The following ANK3 variants were observed in gnomAD, a reference collection of about 807,000 sequenced individuals.
The protein encoded by ANK3 is ankyrin-3.
ANK3 carries 57 observed loss-of-function variants against 370.9 expected under a neutral mutation model. That is an observed-to-expected ratio of 0.15 (90% CI 0.12 to 0.19). The LOEUF (loss-of-function observed/expected upper bound fraction) is 0.19. ANK3 is among the 10% of genes least tolerant of loss of function. The pLI, the probability that ANK3 is intolerant of heterozygous loss-of-function variation, is 1.00. For synonymous variants in ANK3, 1,929 were observed against 1,946.3 expected (o/e 0.99, Z 0.23); for missense variants, 4,439 against 5,302.1 (o/e 0.84, Z 5.06).
At chr10:60,684,735 T>G in intron 1 of ANK3, 1 of 1,583,360 alleles carries the variant, frequency 6.3e-7, no homozygotes, top group Non-Finnish European at 8.6e-7. Flanking sequence ...GGGATGTAGG[T>G]GGTCAGGAGA....
At chr10:60,105,849 A>G in intron 28 of ANK3, 56 bp downstream of exon 28, 1 of 1,520,136 alleles carries the variant, frequency 6.6e-7, no homozygotes, top group Non-Finnish European at 8.8e-7. Context: ...TAATCTAGTC[A>G]TTCCTTTAAT....
rs550981123 is a variant in ANK3, at chr10:60,515,180, CA to C, written c.96+100005del. On this transcript the variant is annotated intron_variant, in intron 2 of 43. Coordinates refer to the ANK3 transcript ENST00000373827. ...GGGGTGATGCAGGTACAGATACTTC[CA>C]AAAGGCATCTGATATCATAGGCAAA... is the stretch of plus-strand genomic sequence containing the variant. Among the ~76,000 whole-genome samples the C allele has an allele frequency of 5.3e-5, 8 of 152,188 alleles. No individual in the cohort carries two copies. In the South Asian group the frequency reaches 1.7e-3, roughly 32 times the overall value.
At chr10:60,064,345 C>T in intron 38 of ANK3, 57 bp from the exon 39 acceptor site, 1 of 1,489,510 alleles carries the variant, frequency 6.7e-7, no homozygotes. Flanking sequence ...TCACACGTTT[C>T]ATAAAAGTAA....
chr10:60,114,392 C>T lies in ANK3; in HGVS notation c.2842-61G>A, dbSNP rs113269388. 32 of 854,964 alleles carry T rather than the reference C, an allele frequency of 3.7e-5. 1 individual carries two copies. Among genetic ancestry groups the T allele is most frequent in the African/African-American group, 3.1e-4 (18 of 58,152 alleles). 53.0% of individuals were successfully genotyped at this position (854,964 alleles called of 1,614,324 possible). ...AAACCATACAAGACTGATTTCTCTA[C>T]ACATATAAAATATATTTGTATTCCT... On this transcript the variant is annotated intron_variant, in intron 25 of 43. Transcript: ENST00000280772.
In ANK3 at chr10:60,240,306, A is replaced by ATATATATATT. The variant is rs11282162; in HGVS notation, c.799-5521_799-5520insAATATATATA. Among the ~76,000 whole-genome samples the ATATATATATT allele has an allele frequency of 3.3e-3, 392 of 119,750 alleles. 8 individuals carry two copies. Among genetic ancestry groups the ATATATATATT allele is most frequent in the Non-Finnish European group, 5.8e-3 (339 of 58,534 alleles). The allele number at this position is 119,750 out of a possible 152,430, so 78.6% of individuals were successfully genotyped here. A position where few individuals can be genotyped will look rare whatever the true frequency, so the allele number is the denominator to read the frequency against. ...CATATATATATATATATATATATAT[A>ATATATATATT]TTTTTTTTTCTTTTTGAGATAGAGT... On this transcript the variant is annotated intron_variant, in intron 7 of 43. Coordinates refer to ENST00000280772, the MANE Select transcript of ANK3 (RefSeq NM_020987.5).
chr10:60,070,905 G>T lies in ANK3; in HGVS notation c.9976C>A (p.Pro3326Thr), dbSNP rs1441905236. The T allele has an allele frequency of 2.5e-6, 4 of 1,613,926 alleles. No individual in the cohort carries two copies. In the Admixed American group the frequency reaches 5.0e-5, roughly 20 times the overall value. The change falls in exon 37 of 44, where the codon CCA (proline) becomes ACA (threonine). Residue 3326 changes from proline to threonine, a missense_variant. By Grantham distance (38) the Pro-to-Thr change is conservative. This residue lies in a region of ANK3 where 1,601 missense variants were observed against 1,731.7 expected (regional missense o/e 0.92). Transcript: ENST00000280772. The surrounding 1 kb of genome is among the most constrained non-coding windows in gnomAD (Gnocchi z 5.7). ...AAGGTATATTTTTTAACTGGGACTG[G>T]CTGATAAATAGATTCGTCATCGCTT... The part of the protein sequence containing the change: ...DSSDDESIYQ[P>T]VPVKKYTFKL...
At position 60,075,728 on chromosome 10, in the gene ANK3, C is replaced by A; in HGVS notation, c.5153G>T (p.Gly1718Val). The A allele has an allele frequency of 1.2e-6, 2 of 1,614,094 alleles. No homozygotes were observed. Among genetic ancestry groups the A allele is most frequent in the Middle Eastern group, 1.6e-4 (1 of 6,062 alleles). Residue 1718 changes from glycine (G) to valine (V), a missense_variant, in exon 37 of 44, where the codon GGA becomes GTA. This residue lies in a region of ANK3 where 679 missense variants were observed against 791.0 expected (regional missense o/e 0.86). Transcript: ENST00000280772. ...TGGATATTTTAGAGGGGAAATAGATCCATTGACTAATGCTACCTCTGCATG... is the reference window on the plus strand; with the variant it reads ...TGGATATTTTAGAGGGGAAATAGATACATTGACTAATGCTACCTCTGCATG... Reference protein sequence around the residue: ...PGHAEVALVNGSISPLKYPSS... With the variant: ...PGHAEVALVNVSISPLKYPSS...
At chr10:60,037,639 C>T (rs1220750826) in intron 43 of ANK3, among the ~76,000 whole-genome samples, 1 of 151,854 alleles carries the variant, frequency 6.6e-6, no homozygotes, top group Non-Finnish European at 1.5e-5. Flanking sequence ...TTTTTTATAC[C>T]TGCATAGTAT....
intron 8 of ANK3, among the ~76,000 whole-genome samples, chr10:60,232,580 T>C (rs1231215916): frequency 2.0e-5 from 3 of 152,174 alleles, no homozygotes; most frequent in Non-Finnish European, 4.4e-5. Flanking sequence ...ACCTCTCCAG[T>C]AAGACAGTCA....
chr10:60,543,777 C>A (rs1224388200), intron 2 of ANK3, among the ~76,000 whole-genome samples: 2 of 151,904 alleles, frequency 1.3e-5, no homozygotes, highest in African/African-American at 4.8e-5. Flanking sequence ...TCACAATGCC[C>A]ACCTTCTCCC....
chr10:60,522,488 T>C (rs2076371519), intron 2 of ANK3, among the ~76,000 whole-genome samples: 1 of 152,050 alleles, frequency 6.6e-6, no homozygotes, highest in African/African-American at 2.4e-5. Context: ...CAATTGTTGC[T>C]TGTATAAATC....
chr10:60,316,842 G>T (rs1185552977), intron 1 of ANK3, among the ~76,000 whole-genome samples: 1 of 152,002 alleles, frequency 6.6e-6, no homozygotes, highest in East Asian at 1.9e-4. Context: ...CCGCCTCCCA[G>T]GTTCACGCCA....
intron 1 of ANK3, among the ~76,000 whole-genome samples, chr10:60,336,089 G>GC (rs1053952409): frequency 6.6e-5 from 10 of 151,304 alleles, no homozygotes; most frequent in African/African-American, 2.5e-4. Context: ...ACATAGTTTG[G>GC]CGGGGGGGGG....
chr10:60,528,833 A>G (rs1221981567), intron 2 of ANK3, among the ~76,000 whole-genome samples: 1 of 152,094 alleles, frequency 6.6e-6, no homozygotes. Flanking sequence ...GACAAAAATC[A>G]TCTCCTGTTA....
chr10:60,663,546 G>T (rs1054875639), intron 1 of ANK3, among the ~76,000 whole-genome samples: 6 of 152,128 alleles, frequency 3.9e-5, no homozygotes, highest in Non-Finnish European at 7.4e-5. Flanking sequence ...AAGCCCCAGG[G>T]TCTCAACCCT....
chr10:60,088,173 T>C lies in ANK3; in HGVS notation c.3514A>G (p.Thr1172Ala), dbSNP rs917333415. ...TGGAGGCCCACTCGAATTCTTTTAG[T>C]TAGGGCACCCTCTGGGAAAGATGCT... ...VQASFPEGAL[T>A]KRIRVGLQAQ... The change falls in exon 29 of 44, where the codon ACT (threonine) becomes GCT (alanine). Residue 1172 changes from threonine (T) to alanine (A), a missense_variant. Thr to Ala is a moderately conservative substitution (Grantham distance 58). Transcript: ENST00000280772. 1 of 1,614,024 alleles carries C rather than the reference T, an allele frequency of 6.2e-7. No individual in the cohort carries two copies. The highest frequency in any genetic ancestry group is 1.7e-5 in the Admixed American group (1 of 59,998).
Position 60,073,141 on chromosome 10 carries a change from A to G in ANK3, c.7740T>C (p.Thr2580=), listed in dbSNP as rs1033008075. 1.9e-6 allele frequency: 3 copies of G among 1,614,110 alleles called. No homozygotes were observed. The highest frequency in any genetic ancestry group is 2.5e-6 in the Non-Finnish European group (3 of 1,180,010). Residue 2580 remains threonine, a synonymous_variant, in exon 37 of 44, where the codon ACT becomes ACC. Coordinates refer to ENST00000280772, the MANE Select transcript of ANK3 (RefSeq NM_020987.5). ...KLIYEDRVDR[T]VKEAEEKLTE... ...TCAGTTTTTCTTCAGCCTCCTTCACAGTCCTGTCCACCCTATCTTCATATA... is the reference window on the plus strand; with the variant it reads ...TCAGTTTTTCTTCAGCCTCCTTCACGGTCCTGTCCACCCTATCTTCATATA...
chr10:60,441,168 T>C (rs2064290741), intron 2 of ANK3, among the ~76,000 whole-genome samples: 1 of 152,218 alleles, frequency 6.6e-6, no homozygotes, highest in Non-Finnish European at 1.5e-5. Context: ...TGAGAGACTA[T>C]TTTCTTTATA....
At chr10:60,235,485 C>T (rs1335485545) in intron 7 of ANK3, among the ~76,000 whole-genome samples, 4 of 151,094 alleles carry the variant, frequency 2.6e-5, no homozygotes, top group East Asian at 3.9e-4. Flanking sequence ...CTTACAGGCG[C>T]TATGATTATT....
Sources: allele counts gnomAD v4.1 joint callset (sites outside exome capture counted in the v4.1 genomes callset), GRCh38; gene constraint gnomAD v4.1.1; regional missense constraint gnomAD v4.1.1; non-coding constraint Gnocchi (gnomAD v3.1); transcripts MANE v1.5; gene names NCBI Gene and HGNC (gene_info 2026-07-23, HGNC 2026-07-21).